Variants in EPHB1 observed in about 807,000 individuals in gnomAD.
The protein encoded by EPHB1 is ephrin type-B receptor 1.
A neutral mutation model predicts 94.4 loss-of-function variants in EPHB1; 30 were observed. The observed-to-expected ratio is 0.32, with a 90% CI of 0.24 to 0.43. The LOEUF (loss-of-function observed/expected upper bound fraction) is 0.43, where lower values mean the gene tolerates loss of function less well. Among genes scored for constraint, EPHB1 ranks in the 20% least tolerant of loss-of-function variants. The pLI is 1.00. For synonymous variants in EPHB1, 522 were observed against 489.1 expected (o/e 1.07, Z -0.89); for missense variants, 1,055 against 1,308.3 (o/e 0.81, Z 2.99).
At chr3:135,138,213 A>G (rs1052942842) in intron 5 of EPHB1, among the ~76,000 whole-genome samples, 1 of 151,998 alleles carries the variant, frequency 6.6e-6, no homozygotes, top group Non-Finnish European at 1.5e-5. Context: ...GACACAACCC[A>G]TTATTTACTT....
At chr3:135,025,415 T>C (rs1166887968) in intron 3 of EPHB1, among the ~76,000 whole-genome samples, 197 of 92,656 alleles carry the variant, frequency 2.1e-3, no homozygotes, top group African/African-American at 7.2e-3. Flanking sequence ...CCTGTGTCCA[T>C]GTGATCTCAT....
intron 1 of EPHB1, among the ~76,000 whole-genome samples, chr3:134,914,299 A>G (rs904304792): frequency 5.3e-5 from 8 of 152,258 alleles, no homozygotes; most frequent in African/African-American, 1.9e-4. Flanking sequence ...TTGCAGACCA[A>G]CTACCACTTG....
At chr3:134,984,182 C>A (rs1934511796) in intron 3 of EPHB1, among the ~76,000 whole-genome samples, 1 of 152,178 alleles carries the variant, frequency 6.6e-6, no homozygotes, top group Non-Finnish European at 1.5e-5. Flanking sequence ...TGTGTCTGTG[C>A]CTCTTTGCAT....
chr3:134,924,836 G>A (rs893778638), intron 1 of EPHB1, among the ~76,000 whole-genome samples: 2 of 152,164 alleles, frequency 1.3e-5, no homozygotes, highest in African/African-American at 4.8e-5. Flanking sequence ...CCATTTATAC[G>A]AAATGTGAGA....
chr3:134,982,880 G>C (rs185389785), intron 3 of EPHB1, among the ~76,000 whole-genome samples: 1 of 151,846 alleles, frequency 6.6e-6, no homozygotes, highest in African/African-American at 2.4e-5. Flanking sequence ...GTTAAATAAT[G>C]GTTTACATCG....
intron 1 of EPHB1, among the ~76,000 whole-genome samples, chr3:134,919,943 G>C (rs1313014049): frequency 6.6e-6 from 1 of 152,068 alleles, no homozygotes; most frequent in Non-Finnish European, 1.5e-5. Flanking sequence ...CAACAGCCAG[G>C]GGCTGGGGAA....
At chr3:134,920,575 C>A (rs1311732942) in intron 1 of EPHB1, among the ~76,000 whole-genome samples, 3 of 152,092 alleles carry the variant, frequency 2.0e-5, no homozygotes, top group Non-Finnish European at 4.4e-5. Flanking sequence ...TATTTTGTTA[C>A]CATGATGGAA....
rs369600482 is a variant in EPHB1, at chr3:135,053,013, ATGTGTGTG to A, written c.806-53427_806-53420del. On this transcript the variant is annotated intron_variant, in intron 3 of 15. Coordinates refer to ENST00000398015, the MANE Select transcript of EPHB1 (RefSeq NM_004441.5). Reference sequence around the variant, plus strand: ...TGTATATATATGTGTGTGTATATATATGTGTGTGTGTGTGTATATATATATATATATAT... The same window carrying A: ...TGTATATATATGTGTGTGTATATATATGTGTGTATATATATATATATATAT... Among the ~76,000 whole-genome samples the A allele has an allele frequency of 2.2e-4, 16 of 71,690 alleles. 1 individual carries two copies. Among genetic ancestry groups the A allele is most frequent in the South Asian group, 9.7e-4 (2 of 2,054 alleles). 47.0% of individuals were successfully genotyped at this position (71,690 alleles called of 152,430 possible).
intron 1 of EPHB1, among the ~76,000 whole-genome samples, chr3:134,850,523 G>A (rs2036958403): frequency 6.6e-6 from 1 of 152,236 alleles, no homozygotes; most frequent in Non-Finnish European, 1.5e-5. Flanking sequence ...ACAGGGATGG[G>A]GACTTGACCT....
At chr3:135,084,171 C>T (rs758600505) in intron 3 of EPHB1, among the ~76,000 whole-genome samples, 7 of 152,090 alleles carry the variant, frequency 4.6e-5, no homozygotes, top group Admixed American at 2.0e-4. Context: ...GAAAAAGCGA[C>T]AGTTTATTGC....
At chr3:135,039,502 G>T (rs928545565) in intron 3 of EPHB1, among the ~76,000 whole-genome samples, 4 of 152,236 alleles carry the variant, frequency 2.6e-5, no homozygotes, top group African/African-American at 7.2e-5. Context: ...GGGGAGGCTC[G>T]GGCTGCACAG....
chr3:135,066,529 C>T (rs1188322015), intron 3 of EPHB1, among the ~76,000 whole-genome samples: 2 of 152,158 alleles, frequency 1.3e-5, no homozygotes, highest in Non-Finnish European at 2.9e-5. Flanking sequence ...ATAAGTGTGT[C>T]CAATGTTTCC....
chr3:134,998,309 A>G (rs1935059697), intron 3 of EPHB1, among the ~76,000 whole-genome samples: 1 of 152,308 alleles, frequency 6.6e-6, no homozygotes, highest in Admixed American at 6.5e-5. Flanking sequence ...TATGCTGTGT[A>G]TAGATGTTTT....
intron 12 of EPHB1, among the ~76,000 whole-genome samples, chr3:135,226,407 A>G (rs1177922300): frequency 6.6e-6 from 1 of 152,240 alleles, no homozygotes; most frequent in African/African-American, 2.4e-5. Context: ...TAAGAAATTC[A>G]CGAACGAGTG....
At chr3:134,812,005 G>A (rs1479285936) in intron 1 of EPHB1, among the ~76,000 whole-genome samples, 2 of 152,178 alleles carry the variant, frequency 1.3e-5, no homozygotes, top group African/African-American at 2.4e-5. Flanking sequence ...AGTAGGTGTG[G>A]AAGCATTTCA....
intron 3 of EPHB1, among the ~76,000 whole-genome samples, chr3:135,071,899 C>A (rs180984904): frequency 6.6e-6 from 1 of 152,300 alleles, no homozygotes; most frequent in African/African-American, 2.4e-5. Context: ...ACCACAGATC[C>A]AGTTGCTGAA....
chr3:134,868,048 G>A (rs537856912), intron 1 of EPHB1, among the ~76,000 whole-genome samples: 2 of 152,128 alleles, frequency 1.3e-5, no homozygotes, highest in Non-Finnish European at 2.9e-5. Context: ...AGAAGACTAG[G>A]GTTAGATGAG....
At chr3:135,147,545 C>T (rs1355994479) in intron 5 of EPHB1, among the ~76,000 whole-genome samples, 2 of 152,216 alleles carry the variant, frequency 1.3e-5, no homozygotes, top group African/African-American at 2.4e-5. Flanking sequence ...TAGGTTCACA[C>T]TGTGCAGGCT....
In EPHB1 at chr3:135,212,109, C is replaced by A. The variant is rs535587908; in HGVS notation, c.2346+10420C>A. The stretch of plus-strand genomic sequence containing the variant: ...TCTTTGTTTTGTTTCTGAGCCCTTC[C>A]GGTGACTTTTTTCTAATAATTGTAT... On this transcript the variant is annotated intron_variant, in intron 12 of 15. Coordinates refer to ENST00000398015, the MANE Select transcript of EPHB1 (RefSeq NM_004441.5). 3.3e-5 allele frequency among the ~76,000 whole-genome samples: 5 copies of A among 152,164 alleles called. No individual in the cohort carries two copies. In the East Asian group the frequency reaches 9.7e-4, roughly 29 times the overall value.
Sources: gnomAD v4.1 joint callset for allele counts (sites outside exome capture counted in the v4.1 genomes callset) on GRCh38, gnomAD v4.1.1 for gene constraint, MANE v1.5 for transcripts, NCBI Gene and HGNC (gene_info 2026-07-23, HGNC 2026-07-21) for gene names.